ESR2: variants seen among roughly 807,000 people sequenced by gnomAD.
ESR2 encodes the protein estrogen receptor beta.
In ESR2, 36 loss-of-function variants were observed where a neutral mutation model predicts 49.6. That is an observed-to-expected ratio of 0.73 (90% confidence interval 0.56 to 0.96). ESR2 has a LOEUF of 0.96. Among genes scored for constraint, ESR2 ranks in the 40% least tolerant of loss-of-function variants. The pLI is 0.00. For synonymous variants in ESR2, 320 were observed against 266.1 expected, an observed-to-expected ratio of 1.20 and a Z score of -1.97; for missense variants, 714 against 693.0, an observed-to-expected ratio of 1.03 and a Z score of -0.34.
intron 1 of ESR2, among the ~76,000 whole-genome samples, chr14:64,283,928 TTTTGTC>T (rs2076738343): frequency 6.6e-6 from 1 of 151,936 alleles, no homozygotes; most frequent in South Asian, 2.1e-4. Flanking sequence ...TTTGTTTTGG[TTTTGTC>T]TTTGTTTTTG....
At chr14:64,283,792 G>GGAAA (rs1567777185) in intron 1 of ESR2, among the ~76,000 whole-genome samples, 1 of 139,678 alleles carries the variant, frequency 7.2e-6, no homozygotes, top group African/African-American at 2.7e-5. Flanking sequence ...TACCATTTCC[G>GGAAA]AAAAAAGTTT....
rs1393055795 is a variant in ESR2, at chr14:64,232,284, CTG to C, written c.*851_*852del. On this transcript the variant is annotated 3_prime_UTR_variant, in exon 9 of 9. Coordinates refer to ENST00000341099, the MANE Select transcript of ESR2 (RefSeq NM_001437.3). ...GCATCCACATTGCCCCAGGGAAACA[CTG>C]TGGCTGTCACCCACACCCACAGGAG... The C allele has an allele frequency of 2.0e-5, 3 of 152,406 alleles. No homozygotes were observed. The highest frequency in any genetic ancestry group is 7.2e-5 in the African/African-American group (3 of 41,570). 9.4% of individuals were successfully genotyped at this position (152,406 alleles called of 1,614,324 possible).
chr14:64,277,266 AC>A lies in ESR2; in HGVS notation c.535+2714del, dbSNP rs2076574034. On this transcript the variant is annotated intron_variant, in intron 3 of 8. Transcript: ENST00000341099. ...CATTTGTACAGTGAAGGGGACAGGT[AC>A]ATGACTAAGATATGGTCAATTAGCT... Among the ~76,000 whole-genome samples the A allele has an allele frequency of 9.8e-5, 15 of 152,316 alleles. No individual in the cohort carries two copies. In the South Asian group the frequency reaches 3.1e-3, roughly 32 times the overall value.
chr14:64,260,398 C>T (rs530136769), intron 5 of ESR2, 51 bp downstream of exon 5: 42 of 1,480,252 alleles, frequency 2.8e-5, no homozygotes, highest in South Asian at 2.0e-4. Context: ...TAAATATTAG[C>T]GGCCGGCCTT....
intron 7 of ESR2, among the ~76,000 whole-genome samples, chr14:64,244,414 A>AG (rs907129464): frequency 6.7e-6 from 1 of 149,216 alleles, no homozygotes; most frequent in Non-Finnish European, 1.5e-5. Flanking sequence ...AAAAAAAAAA[A>AG]GAAAGAACAG....
chr14:64,281,752 C>G (rs2076673462), intron 2 of ESR2, among the ~76,000 whole-genome samples: 2 of 152,120 alleles, frequency 1.3e-5, no homozygotes, highest in African/African-American at 4.8e-5. Context: ...TTAAAGAGTA[C>G]ACATATCCTT....
At chr14:64,233,550 G>A (rs2098729388) in intron 8 of ESR2, 2 of 532,536 alleles carry the variant, frequency 3.8e-6, no homozygotes, top group Non-Finnish European at 6.7e-6. Context: ...CACCTACAAT[G>A]GCCTGACACA....
Position 64,245,654 on chromosome 14 carries a change from T to C in ESR2, c.1225+3892A>G, listed in dbSNP as rs74458781. ...TTATCTCAATGTGGCAGTTCTGTCA[T>C]GCTGCAGGGGAATGCTGTAGCCTTC... On this transcript the variant is annotated intron_variant, in intron 7 of 8. Transcript: ENST00000341099. Among the ~76,000 whole-genome samples the C allele has an allele frequency of 5.6e-4, 86 of 152,286 alleles. 1 individual carries two copies. The East Asian group carries it at 0.015, about 27-fold the overall frequency.
intron 3 of ESR2, among the ~76,000 whole-genome samples, chr14:64,269,152 A>C (rs1343649219): frequency 6.6e-6 from 1 of 152,224 alleles, no homozygotes; most frequent in Non-Finnish European, 1.5e-5. Flanking sequence ...ATATTCTTAG[A>C]ATTCTCAAAA....
intron 1 of ESR2, among the ~76,000 whole-genome samples, chr14:64,319,621 G>C (rs2077301928): frequency 6.6e-6 from 1 of 152,112 alleles, no homozygotes; most frequent in South Asian, 2.1e-4. Context: ...CAAAAGTTCT[G>C]AACAAAAGTT....
chr14:64,248,377 T>C (rs2075911091), intron 7 of ESR2, among the ~76,000 whole-genome samples: 4 of 151,334 alleles, frequency 2.6e-5, no homozygotes, highest in Admixed American at 2.6e-4. Context: ...GGTCTGGTGG[T>C]ATGCACCTGT....
At chr14:64,304,283 G>A (rs1314328186) in intron 1 of ESR2, among the ~76,000 whole-genome samples, 2 of 152,210 alleles carry the variant, frequency 1.3e-5, no homozygotes, top group Non-Finnish European at 2.9e-5. Flanking sequence ...TGCAGCCTGG[G>A]CGACAGAGCA....
At chr14:64,269,060 T>C (rs2076387967) in intron 3 of ESR2, 149 bp from the exon 4 acceptor site, 3 of 569,142 alleles carry the variant, frequency 5.3e-6, no homozygotes, top group Admixed American at 3.2e-5. Context: ...AAAGTCAAGC[T>C]ACATTGTCAC....
chr14:64,272,795 A>G (rs985800090), intron 3 of ESR2, among the ~76,000 whole-genome samples: 1 of 152,142 alleles, frequency 6.6e-6, no homozygotes, highest in Non-Finnish European at 1.5e-5. Flanking sequence ...ATAGTCAGGT[A>G]ATGTGATTCT....
At chr14:64,337,655 G>C (rs1189660760) in intron 1 of ESR2, 1 of 152,126 alleles carries the variant, frequency 6.6e-6, no homozygotes. Context: ...GTTATGGTAT[G>C]TACATTATAC....
intron 1 of ESR2, among the ~76,000 whole-genome samples, chr14:64,289,977 G>T (rs151232011): frequency 1.4e-4 from 21 of 152,232 alleles, no homozygotes; most frequent in African/African-American, 4.8e-4. Flanking sequence ...CGCTCACAAA[G>T]CAGCAACTAG....
chr14:64,269,835 C>A (rs2076403601), intron 3 of ESR2, among the ~76,000 whole-genome samples: 1 of 152,078 alleles, frequency 6.6e-6, no homozygotes, highest in Non-Finnish European at 1.5e-5. Context: ...CAAGGAAGAG[C>A]TAAGAATATT....
chr14:64,260,920 T>C (rs984878809), intron 4 of ESR2, among the ~76,000 whole-genome samples, 172 bp from the exon 5 acceptor site: 2 of 152,184 alleles, frequency 1.3e-5, no homozygotes, highest in Admixed American at 6.5e-5. Context: ...TAGGTCTCCA[T>C]TTCCAGGTCA....
intron 1 of ESR2, among the ~76,000 whole-genome samples, chr14:64,290,206 G>A (rs1308866885): frequency 6.6e-6 from 1 of 151,914 alleles, no homozygotes; most frequent in East Asian, 1.9e-4. Context: ...CAAGTAGCTG[G>A]GACTAAAGGC....
Sources: gnomAD v4.1 joint callset for allele counts (sites outside exome capture counted in the v4.1 genomes callset) on GRCh38, gnomAD v4.1.1 for gene constraint, MANE v1.5 for transcripts, NCBI Gene and HGNC (gene_info 2026-07-23, HGNC 2026-07-21) for gene names.